TBCK: variants seen among roughly 807,000 people sequenced by gnomAD.
The protein encoded by TBCK is TBC1 domain containing kinase.
Under a neutral mutation model 113.4 loss-of-function variants are expected in TBCK, and 99 were observed. The observed-to-expected ratio is 0.87, with a 90% CI of 0.74 to 1.03. The LOEUF (loss-of-function observed/expected upper bound fraction) is 1.03. Among genes scored for constraint, TBCK ranks in the 50% least tolerant of loss-of-function variants. The pLI, the probability that TBCK is intolerant of heterozygous loss-of-function variation, is 0.00. For synonymous variants in TBCK, 369 were observed against 370.8 expected (o/e 1.00, Z 0.05); for missense variants, 1,045 against 1,061.3 (o/e 0.98, Z 0.21).
intron 19 of TBCK, 56 bp downstream of exon 19, chr4:106,230,307 G>T: frequency 9.0e-7 from 1 of 1,111,964 alleles, no homozygotes; most frequent in Non-Finnish European, 1.3e-6. Context: ...TATTACATCA[G>T]CACACCAGTA....
chr4:106,275,152 T>G (rs1389659966), intron 3 of TBCK, among the ~76,000 whole-genome samples: 2 of 152,016 alleles, frequency 1.3e-5, no homozygotes, highest in Non-Finnish European at 1.5e-5. Flanking sequence ...TCAAAGCAAT[T>G]TACATATTCA....
chr4:106,120,141 T>A (rs1275590093), intron 23 of TBCK, among the ~76,000 whole-genome samples: 1 of 152,130 alleles, frequency 6.6e-6, no homozygotes, highest in South Asian at 2.1e-4. Flanking sequence ...GGGCAAGGCA[T>A]TGCCTCACTG....
chr4:106,127,497 T>C (rs1745370252), intron 23 of TBCK, among the ~76,000 whole-genome samples: 1 of 152,106 alleles, frequency 6.6e-6, no homozygotes, highest in African/African-American at 2.4e-5. Flanking sequence ...TGAGAACATA[T>C]ATAAGCATAC....
chr4:106,295,111 T>G lies in TBCK; in HGVS notation c.249A>C (p.Arg83=), dbSNP rs773309047. The stretch of plus-strand genomic sequence containing the variant: ...TACAGTACCTCACAGGTTTCCTTTC[T>G]CGAAGCAAGTCTTCCAGACTACGTT... ...HCERSLEDLL[R]ERKPVSCSTV... Residue 83 remains arginine, a synonymous_variant, in exon 3 of 26, where the codon CGA becomes CGC. Transcript: ENST00000394708. 1.2e-6 allele frequency: 2 copies of G among 1,613,542 alleles called. No homozygotes were observed. Among genetic ancestry groups the G allele is most frequent in the South Asian group, 2.2e-5 (2 of 90,996 alleles).
At chr4:106,294,555 C>G (rs774942057) in intron 3 of TBCK, among the ~76,000 whole-genome samples, 11 of 151,630 alleles carry the variant, frequency 7.3e-5, no homozygotes, top group Non-Finnish European at 1.5e-4. Flanking sequence ...AATCTCGGCT[C>G]ACCGTAAGCT....
At chr4:106,082,699 A>C (rs1024343727) in intron 25 of TBCK, among the ~76,000 whole-genome samples, 32 of 152,228 alleles carry the variant, frequency 2.1e-4, no homozygotes, top group African/African-American at 7.5e-4. Flanking sequence ...AAGCAGCAGC[A>C]TTCCGAGGCT....
At chr4:106,152,749 C>T (rs1340879215) in intron 23 of TBCK, among the ~76,000 whole-genome samples, 4 of 152,010 alleles carry the variant, frequency 2.6e-5, no homozygotes, top group Non-Finnish European at 5.9e-5. Flanking sequence ...TATGGCTTCA[C>T]TCTCATTACT....
At chr4:106,306,630 C>CTA (rs1370852660) in intron 2 of TBCK, among the ~76,000 whole-genome samples, 1 of 152,028 alleles carries the variant, frequency 6.6e-6, no homozygotes, top group African/African-American at 2.4e-5. Flanking sequence ...GGTATTATAA[C>CTA]CCCAGTGTAC....
intron 25 of TBCK, among the ~76,000 whole-genome samples, chr4:106,077,871 G>A (rs1332771724): frequency 6.6e-6 from 1 of 152,054 alleles, no homozygotes; most frequent in East Asian, 1.9e-4. Context: ...TCTGCACATG[G>A]CACATACTTT....
At chr4:106,178,098 C>T (rs894479138) in intron 22 of TBCK, among the ~76,000 whole-genome samples, 2 of 151,852 alleles carry the variant, frequency 1.3e-5, no homozygotes, top group African/African-American at 4.8e-5. Flanking sequence ...TCAAGCAGAA[C>T]TGCTTCCTTG....
At chr4:106,119,558 T>C (rs1743992970) in intron 23 of TBCK, among the ~76,000 whole-genome samples, 1 of 152,158 alleles carries the variant, frequency 6.6e-6, no homozygotes, top group South Asian at 2.1e-4. Flanking sequence ...ACTATAAAGC[T>C]ACTAGGAGAA....
chr4:106,168,004 A>G (rs942587587), intron 23 of TBCK, among the ~76,000 whole-genome samples: 5 of 151,860 alleles, frequency 3.3e-5, no homozygotes, highest in African/African-American at 1.2e-4. Flanking sequence ...AACTCATTCT[A>G]TGAGGCCAGT....
chr4:106,137,773 A>G (rs1746729531), intron 23 of TBCK, among the ~76,000 whole-genome samples: 2 of 141,186 alleles, frequency 1.4e-5, no homozygotes, highest in South Asian at 4.8e-4. Context: ...AATATAAAGA[A>G]AAGTAGAGAC....
chr4:106,227,550 C>A (rs1363915798), intron 19 of TBCK, among the ~76,000 whole-genome samples: 1 of 151,846 alleles, frequency 6.6e-6, no homozygotes, highest in East Asian at 1.9e-4. Flanking sequence ...CCCACTTACT[C>A]AGAATTTTTG....
At chr4:106,246,579 T>C (rs1760839674) in intron 10 of TBCK, among the ~76,000 whole-genome samples, 3 of 152,096 alleles carry the variant, frequency 2.0e-5, no homozygotes, top group African/African-American at 7.2e-5. Context: ...AATGTGTGTG[T>C]TTATGTGTAT....
chr4:106,150,645 T>A (rs1401720733), intron 23 of TBCK, among the ~76,000 whole-genome samples: 3 of 152,060 alleles, frequency 2.0e-5, no homozygotes, highest in Non-Finnish European at 4.4e-5. Context: ...GGGGCTAAGA[T>A]AAGCACTGGG....
intron 23 of TBCK, 46 bp from the exon 24 acceptor site, chr4:106,116,424 AAAAC>A: frequency 6.9e-7 from 1 of 1,459,708 alleles, no homozygotes. Context: ...ATATTATAGA[AAAAC>A]AAATTATCCC....
At chr4:106,302,781 A>T (rs1192852150) in intron 2 of TBCK, among the ~76,000 whole-genome samples, 2 of 152,254 alleles carry the variant, frequency 1.3e-5, no homozygotes, top group Non-Finnish European at 2.9e-5. Context: ...GATTAAGGGT[A>T]AGGGCTGTTG....
intron 3 of TBCK, among the ~76,000 whole-genome samples, chr4:106,272,744 G>A (rs911427901): frequency 8.6e-5 from 13 of 151,744 alleles, no homozygotes; most frequent in South Asian, 4.2e-4. Context: ...ATCTGCCCAC[G>A]TCGGCCTCCC....
Sources: gnomAD v4.1 joint callset for allele counts (sites outside exome capture counted in the v4.1 genomes callset) on GRCh38, gnomAD v4.1.1 for gene constraint, MANE v1.5 for transcripts, NCBI Gene and HGNC (gene_info 2026-07-23, HGNC 2026-07-21) for gene names.